The following MDGA1 variants were observed in gnomAD, a reference collection of about 807,000 sequenced individuals.
MDGA1 encodes MAM domain-containing glycosylphosphatidylinositol anchor protein 1.
In MDGA1, 54 loss-of-function variants were observed where a neutral mutation model predicts 101.5. That is an observed-to-expected ratio of 0.53 (90% confidence interval 0.43 to 0.67). The LOEUF (loss-of-function observed/expected upper bound fraction) is 0.67. Among genes scored for constraint, MDGA1 ranks in the 30% least tolerant of loss-of-function variants. The probability of loss-of-function intolerance (pLI) is 0.00; values close to 1 mark genes in which losing one functional copy is unlikely to be tolerated. For synonymous variants in MDGA1, 533 were observed against 558.3 expected (o/e 0.95, Z 0.64); for missense variants, 1,083 against 1,323.8 (o/e 0.82, Z 2.82).
In MDGA1 at chr6:37,648,928, G is replaced by C. The variant is rs113498160; in HGVS notation, c.1894+54C>G. On this transcript the variant is annotated intron_variant, in intron 9 of 16. Coordinates refer to ENST00000434837, the MANE Select transcript of MDGA1 (RefSeq NM_153487.4). ...AATCACCCGGGCTGGGATTGGGGCA[G>C]AGCCTGGCCCCTGGTGGGCGTGGTA... 1,746 of 1,526,218 alleles carry C rather than the reference G, an allele frequency of 1.1e-3. 31 individuals are homozygous for C. The African/African-American group carries it at 0.021, about 19-fold the overall frequency. 94.5% of individuals were successfully genotyped at this position (1,526,218 alleles called of 1,614,324 possible).
rs1357538129 is a variant in MDGA1, at chr6:37,638,188, T to C, written c.2776+17A>G. 2 of 1,602,940 alleles carry C rather than the reference T, an allele frequency of 1.2e-6. No homozygotes were observed. Among genetic ancestry groups the C allele is most frequent in the Admixed American group, 1.7e-5 (1 of 59,754 alleles). ...TCCCTCCAGATTCAGCTCCCCCACC[T>C]CCTTCCCGTCTTGCACCTTTATTGG... On this transcript the variant is annotated intron_variant, in intron 16 of 16. Coordinates refer to ENST00000434837, the MANE Select transcript of MDGA1 (RefSeq NM_153487.4). The surrounding 1 kb of genome is among the most constrained non-coding windows in gnomAD (Gnocchi z 4.8).
chr6:37,671,928 C>T (rs1476628157), intron 1 of MDGA1, among the ~76,000 whole-genome samples: 2 of 152,156 alleles, frequency 1.3e-5, no homozygotes, highest in Non-Finnish European at 2.9e-5. Context: ...ATCACTTGAG[C>T]TCAGGAGTTC....
chr6:37,637,942 C>T, intron 16 of MDGA1: 1 of 566,258 alleles, frequency 1.8e-6, no homozygotes, highest in Non-Finnish European at 3.1e-6. Context: ...TATTCAGACA[C>T]AGGCACAGGA....
At chr6:37,664,600 T>TACACACACACACACACAC (rs61046567) in intron 1 of MDGA1, among the ~76,000 whole-genome samples, 1,774 of 118,168 alleles carry the variant, frequency 0.015, 55 homozygotes, top group South Asian at 0.02. Flanking sequence ...TCCCCCACAA[T>TACACACACACACACACAC]ACACACACAC....
chr6:37,692,691 C>T (rs939779731), intron 1 of MDGA1, among the ~76,000 whole-genome samples: 25 of 152,126 alleles, frequency 1.6e-4, no homozygotes, highest in African/African-American at 5.3e-4. Context: ...CCTTCCCCCC[C>T]AGCCTGTCCC....
chr6:37,646,915 C>A (rs935530551), intron 10 of MDGA1, among the ~76,000 whole-genome samples: 4 of 152,208 alleles, frequency 2.6e-5, no homozygotes, highest in Non-Finnish European at 5.9e-5. Flanking sequence ...CCCTCCCCCA[C>A]GAACCCAGCA....
rs1761437106 is a variant in MDGA1 at position 37,654,481 on chromosome 6, T to TGGTG, written c.774_775insCACC (p.Thr259HisfsTer11). ...CCGCCTGTCAGCAGACACTGCACCG[T>TGGTG]CACATTCTCCCCAGGGTTCACCACC... On this transcript the variant is annotated frameshift_variant, in exon 6 of 17. Transcript: ENST00000434837. LOFTEE classifies it high-confidence loss of function. The TGGTG allele has an allele frequency of 6.2e-7, 1 of 1,613,834 alleles. No individual in the cohort carries two copies. The highest frequency in any genetic ancestry group is 8.5e-7 in the Non-Finnish European group (1 of 1,179,898).
chr6:37,656,168 C>T (rs1262917597), intron 3 of MDGA1, among the ~76,000 whole-genome samples: 3 of 150,608 alleles, frequency 2.0e-5, no homozygotes, highest in Non-Finnish European at 4.4e-5. Flanking sequence ...ACCTCTGATT[C>T]CCTGGTTCAA....
At position 37,696,270 on chromosome 6, in the gene MDGA1, C is replaced by A. The variant is rs577535219; in HGVS notation, c.67+475G>T. ...CAAGCCCTGAGTAGAAGAAGCGAAG[C>A]CGCAGCAACAGCGGGGAAGGCGAGC... is the stretch of plus-strand genomic sequence containing the variant. On this transcript the variant is annotated intron_variant, in intron 1 of 16. Coordinates refer to ENST00000434837, the MANE Select transcript of MDGA1 (RefSeq NM_153487.4). The surrounding 1 kb of genome is among the most constrained non-coding windows in gnomAD (Gnocchi z 5.6). 1.1e-3 allele frequency among the ~76,000 whole-genome samples: 172 copies of A among 152,332 alleles called. 1 individual carries two copies. The highest frequency in any genetic ancestry group is 3.9e-3 in the African/African-American group (163 of 41,590).
At position 37,637,262 on chromosome 6, in the gene MDGA1, C is replaced by T. The variant is rs1320030161; in HGVS notation, c.*106G>A. On this transcript the variant is annotated 3_prime_UTR_variant, in exon 17 of 17. Coordinates refer to ENST00000434837, the MANE Select transcript of MDGA1 (RefSeq NM_153487.4). ...AATGCAGGCCCCCTCCCTGGCGGGC[C>T]GGCCCTGCCCCTGGGCACCCCAGCT... 2.1e-5 allele frequency: 18 copies of T among 868,158 alleles called. No individual in the cohort carries two copies. Among genetic ancestry groups the T allele is most frequent in the East Asian group, 2.0e-4 (8 of 39,042 alleles). 53.8% of individuals were successfully genotyped at this position (868,158 alleles called of 1,614,324 possible).
Position 37,650,494 on chromosome 6 carries a change from G to T in MDGA1, c.1313-89C>A, listed in dbSNP as rs804817. ...GCCTTCTGGCTCCTGCTTACCTCCC[G>T]CTAGGGGCAAGCCTCTCTCTCCCAT... is the stretch of plus-strand genomic sequence containing the variant. On this transcript the variant is annotated intron_variant, in intron 7 of 16. Transcript: ENST00000434837. The T allele has an allele frequency of 1.4e-5, 18 of 1,328,800 alleles. No homozygotes were observed. The East Asian group carries it at 4.4e-4, about 32-fold the overall frequency. The allele number at this position is 1,328,800 out of a possible 1,614,324, so 82.3% of individuals were successfully genotyped here.
intron 1 of MDGA1, among the ~76,000 whole-genome samples, chr6:37,688,481 C>T (rs1040621530): frequency 1.3e-5 from 2 of 152,192 alleles, no homozygotes; most frequent in African/African-American, 2.4e-5. Flanking sequence ...GCAGTGCCCT[C>T]GAGTCTGCTC....
Position 37,644,665 on chromosome 6 carries a change from C to T in MDGA1, c.2249-16G>A, listed in dbSNP as rs1345716727. The T allele has an allele frequency of 1.6e-5, 25 of 1,548,438 alleles. No individual in the cohort carries two copies. The highest frequency in any genetic ancestry group is 6.9e-5 in the African/African-American group (5 of 72,404). ...CAGGTGTTGTCTGCATTTTATGGGG[C>T]GAATGAGACAAAGAGTCAGCCTCTT... On this transcript the variant is annotated splice_polypyrimidine_tract_variant and intron_variant, in intron 12 of 16. Coordinates refer to ENST00000434837, the MANE Select transcript of MDGA1 (RefSeq NM_153487.4).
Position 37,633,240 on chromosome 6 carries a change from G to A in MDGA1, c.*4128C>T, listed in dbSNP as rs1763857989. On this transcript the variant is annotated 3_prime_UTR_variant, in exon 17 of 17. Coordinates refer to ENST00000434837, the MANE Select transcript of MDGA1 (RefSeq NM_153487.4). ...ACTCCACACATCACACACATTCTCAGACACACACGCACAGCACTGACTCGA... is the reference window on the plus strand; with the variant it reads ...ACTCCACACATCACACACATTCTCAAACACACACGCACAGCACTGACTCGA... The A allele has an allele frequency of 6.6e-6, 1 of 152,300 alleles. No individual in the cohort carries two copies. The highest frequency in any genetic ancestry group is 2.1e-4 in the South Asian group (1 of 4,818). The allele number at this position is 152,300 out of a possible 1,614,324, so 9.4% of individuals were successfully genotyped here. A position where few individuals can be genotyped will look rare whatever the true frequency, so the allele number is the denominator to read the frequency against.
At chr6:37,695,900 G>A (rs1762407104) in intron 1 of MDGA1, among the ~76,000 whole-genome samples, 1 of 152,164 alleles carries the variant, frequency 6.6e-6, no homozygotes, top group African/African-American at 2.4e-5. Flanking sequence ...TGACTGAATG[G>A]ATGATGCCTG....
chr6:37,644,311 T>C (rs1764171729), intron 13 of MDGA1, among the ~76,000 whole-genome samples, 186 bp downstream of exon 13: 1 of 151,974 alleles, frequency 6.6e-6, no homozygotes, highest in Admixed American at 6.6e-5. Flanking sequence ...TGGGGCTGTG[T>C]CTCACCTCAG....
chr6:37,643,740 CT>C lies in MDGA1; in HGVS notation c.2536+68del, dbSNP rs1764148328. ...CTCACATGGGCCAGCCCATCGCCTC[CT>C]GTGGACCCCACTCCCCTCCCATCCT... On this transcript the variant is annotated intron_variant, in intron 14 of 16. Coordinates refer to ENST00000434837, the MANE Select transcript of MDGA1 (RefSeq NM_153487.4). 1.1e-5 allele frequency: 17 copies of C among 1,594,006 alleles called. No homozygotes were observed. The South Asian group carries it at 2.0e-4, about 18-fold the overall frequency.
chr6:37,655,910 GCCC>G lies in MDGA1; in HGVS notation c.383-17_383-15del, dbSNP rs1761476141. The stretch of plus-strand genomic sequence containing the variant: ...GCTCATCCAGGTCTGCAAGGGCACA[GCCC>G]CCATGGAGTCAGGACTGGGTGACCC... On this transcript the variant is annotated splice_polypyrimidine_tract_variant and intron_variant, in intron 3 of 16. Transcript: ENST00000434837. This position sits in a 1 kb window ranked among gnomAD's most constrained non-coding sequence, Gnocchi z 5.1. 6.2e-7 allele frequency: 1 copy of G among 1,606,500 alleles called. No homozygotes were observed. Among genetic ancestry groups the G allele is most frequent in the East Asian group, 2.2e-5 (1 of 44,778 alleles).
intron 1 of MDGA1, among the ~76,000 whole-genome samples, chr6:37,682,207 G>A (rs551742329): frequency 1.5e-4 from 23 of 152,350 alleles, no homozygotes; most frequent in Admixed American, 2.6e-4. Context: ...CAGGTAGGCT[G>A]GGCGCAGTGG....
Sources: gnomAD v4.1 joint callset for allele counts (sites outside exome capture counted in the v4.1 genomes callset) on GRCh38, gnomAD v4.1.1 for gene constraint, Gnocchi (gnomAD v3.1) non-coding constraint, MANE v1.5 for transcripts, NCBI Gene and HGNC (gene_info 2026-07-23, HGNC 2026-07-21) for gene names.